Variants in USP13 observed in about 807,000 individuals in gnomAD.
The protein encoded by USP13 is ubiquitin carboxyl-terminal hydrolase 13.
USP13 carries 68 observed loss-of-function variants against 107.8 expected under a neutral mutation model. The ratio of observed to expected loss-of-function variants is 0.63; its 90% confidence interval spans 0.52 to 0.77. USP13 has a LOEUF of 0.77. Ranked by LOEUF, USP13 falls within the 30% of genes least tolerant of loss-of-function variation. The probability of loss-of-function intolerance (pLI) is 0.00; values close to 1 mark genes in which losing one functional copy is unlikely to be tolerated. For missense variants in USP13, 945 were observed against 1,093.3 expected (o/e 0.86, Z 1.91); for synonymous variants, 377 against 389.5 (o/e 0.97, Z 0.38).
In USP13 at chr3:179,653,693, G is replaced by A. The variant is rs1349968114; in HGVS notation, c.168+300G>A. On this transcript the variant is annotated intron_variant, in intron 1 of 20. Transcript: ENST00000263966. The surrounding 1 kb of genome is among the most constrained non-coding windows in gnomAD (Gnocchi z 4.0). ...GATAGATGAAATACAAGAGTTCCCT[G>A]TTCCGAACTGCACGTTGCAGATCGT... 9 of 360,084 alleles carry A rather than the reference G, an allele frequency of 2.5e-5. No individual in the cohort carries two copies. Among genetic ancestry groups the A allele is most frequent in the Admixed American group, 1.3e-4 (3 of 22,714 alleles). 22.3% of individuals were successfully genotyped at this position (360,084 alleles called of 1,614,324 possible).
intron 14 of USP13, among the ~76,000 whole-genome samples, chr3:179,754,441 A>G (rs1277542686): frequency 2.0e-5 from 3 of 152,220 alleles, no homozygotes; most frequent in Non-Finnish European, 4.4e-5. Flanking sequence ...TAAAATATCA[A>G]ACAGATTGTG....
At chr3:179,769,659 TC>T (rs750132089) in intron 19 of USP13, among the ~76,000 whole-genome samples, 77 of 152,318 alleles carry the variant, frequency 5.1e-4, no homozygotes, top group Middle Eastern at 6.8e-3. Context: ...TCTGCCCACC[TC>T]TGCCTCTCGA....
chr3:179,774,689 C>A (rs1576993554), intron 19 of USP13, among the ~76,000 whole-genome samples: 1 of 152,266 alleles, frequency 6.6e-6, no homozygotes, highest in Admixed American at 6.5e-5. Flanking sequence ...AAAGAACAAA[C>A]CTTCCACAGT....
chr3:179,728,579 T>G (rs1713661643), intron 8 of USP13, among the ~76,000 whole-genome samples: 1 of 147,948 alleles, frequency 6.8e-6, no homozygotes, highest in Non-Finnish European at 1.5e-5. Flanking sequence ...CCAGACGGGG[T>G]GGCGGCCGGG....
intron 2 of USP13, among the ~76,000 whole-genome samples, chr3:179,689,713 C>T (rs1712041030): frequency 6.6e-6 from 1 of 152,020 alleles, no homozygotes; most frequent in Non-Finnish European, 1.5e-5. Flanking sequence ...GCAAACATAG[C>T]CACTTGTCGG....
In USP13 at chr3:179,687,125, T is replaced by C. The variant is rs1015119419; in HGVS notation, c.295-3116T>C. On this transcript the variant is annotated intron_variant, in intron 2 of 20. Coordinates refer to ENST00000263966, the MANE Select transcript of USP13 (RefSeq NM_003940.3). ...AAGATCTGATCATCTTATTCTGATC[T>C]GGATTTTTCTACTCCAGCATTTCAT... Among the ~76,000 whole-genome samples, 6 of 152,326 alleles carry C rather than the reference T, an allele frequency of 3.9e-5. No homozygotes were observed. The East Asian group carries it at 5.8e-4, about 15-fold the overall frequency.
chr3:179,674,100 C>T (rs559133502), intron 1 of USP13, among the ~76,000 whole-genome samples: 6 of 152,216 alleles, frequency 3.9e-5, no homozygotes, highest in African/African-American at 1.2e-4. Flanking sequence ...TCCATGTTGG[C>T]CAGGCTGGTC....
At chr3:179,728,746 G>A (rs528837780) in intron 8 of USP13, among the ~76,000 whole-genome samples, 3 of 152,312 alleles carry the variant, frequency 2.0e-5, no homozygotes, top group Admixed American at 6.5e-5. Context: ...TCGGGAGGCC[G>A]AGGCTGGCGG....
chr3:179,664,959 G>A (rs1337692681), intron 1 of USP13, among the ~76,000 whole-genome samples: 1 of 152,052 alleles, frequency 6.6e-6, no homozygotes, highest in African/African-American at 2.4e-5. Context: ...ATGGTGGCAG[G>A]TGCCTGTAAT....
chr3:179,671,827 G>A (rs75533649), intron 1 of USP13, among the ~76,000 whole-genome samples: 12,681 of 152,096 alleles, frequency 0.083, 789 homozygotes, highest in African/African-American at 0.17. Flanking sequence ...GGGTGTGTGA[G>A]TCACCGTCTT....
intron 10 of USP13, among the ~76,000 whole-genome samples, chr3:179,735,963 C>T (rs922759126): frequency 2.0e-5 from 3 of 152,070 alleles, no homozygotes; most frequent in Non-Finnish European, 4.4e-5. Flanking sequence ...TCACTTGTGC[C>T]CAAGGGTTTG....
intron 6 of USP13, among the ~76,000 whole-genome samples, chr3:179,714,199 G>C (rs969255113): frequency 2.0e-5 from 3 of 152,224 alleles, no homozygotes; most frequent in Non-Finnish European, 4.4e-5. Flanking sequence ...TGTCTTGGGT[G>C]ATTGTAGGAG....
At position 179,742,405 on chromosome 3, in the gene USP13, T is replaced by A; in HGVS notation, c.1534+55T>A. On this transcript the variant is annotated intron_variant, in intron 12 of 20. Transcript: ENST00000263966. The surrounding 1 kb of genome is among the most constrained non-coding windows in gnomAD (Gnocchi z 5.0). ...TGTGTGTCTTCATATGGGAAAACCC[T>A]CAAATCAGAGAGAATGGTTTAGTCA... The A allele has an allele frequency of 2.5e-6, 4 of 1,604,664 alleles. No homozygotes were observed. The highest frequency in any genetic ancestry group is 3.4e-6 in the Non-Finnish European group (4 of 1,173,794).
At chr3:179,700,572 T>C (rs1712480934) in intron 3 of USP13, among the ~76,000 whole-genome samples, 1 of 152,008 alleles carries the variant, frequency 6.6e-6, no homozygotes, top group Non-Finnish European at 1.5e-5. Flanking sequence ...TTCCATATTA[T>C]GATGTTGCAA....
intron 1 of USP13, among the ~76,000 whole-genome samples, chr3:179,657,358 C>T (rs1243572631): frequency 6.6e-6 from 1 of 151,720 alleles, no homozygotes; most frequent in Non-Finnish European, 1.5e-5. Flanking sequence ...TGCACCACTG[C>T]ACTCCAGCCT....
chr3:179,697,932 G>T (rs1712380860), intron 3 of USP13, among the ~76,000 whole-genome samples: 1 of 152,202 alleles, frequency 6.6e-6, no homozygotes, highest in South Asian at 2.1e-4. Flanking sequence ...CTGCTTTTCT[G>T]CATGACAGCA....
In USP13 at chr3:179,708,753, A is replaced by G; in HGVS notation, c.621-20A>G. 2 of 1,612,912 alleles carry G rather than the reference A, an allele frequency of 1.2e-6. No homozygotes were observed. Among genetic ancestry groups the G allele is most frequent in the Middle Eastern group, 3.3e-4 (2 of 6,042 alleles). On this transcript the variant is annotated intron_variant, in intron 5 of 20. Transcript: ENST00000263966. ...AAATTATGCCCTGGCTGTTCTGACT[A>G]CTCTCCAATGGCTTTCCAGTGGTTG... is the stretch of plus-strand genomic sequence containing the variant.
Position 179,742,738 on chromosome 3 carries a change from A to G in USP13, c.1534+388A>G, listed in dbSNP as rs1409157292. Among the ~76,000 whole-genome samples the G allele has an allele frequency of 6.6e-6, 1 of 152,244 alleles. No homozygotes were observed. Among genetic ancestry groups the G allele is most frequent in the Non-Finnish European group, 1.5e-5 (1 of 68,038 alleles). ...GATCAGGACTGCATTTTTTAAAGTT[A>G]GACATTCGAGCAGAGGTCTCTTGAA... On this transcript the variant is annotated intron_variant, in intron 12 of 20. Coordinates refer to ENST00000263966, the MANE Select transcript of USP13 (RefSeq NM_003940.3). The surrounding 1 kb of genome is among the most constrained non-coding windows in gnomAD (Gnocchi z 5.0).
intron 1 of USP13, among the ~76,000 whole-genome samples, chr3:179,672,884 T>C (rs1385229065): frequency 6.6e-6 from 1 of 152,256 alleles, no homozygotes; most frequent in African/African-American, 2.4e-5. Context: ...ATTAGAATCC[T>C]ATTTAGCTTA....
Sources: gnomAD v4.1 joint callset for allele counts (sites outside exome capture counted in the v4.1 genomes callset) on GRCh38, gnomAD v4.1.1 for gene constraint, Gnocchi (gnomAD v3.1) non-coding constraint, MANE v1.5 for transcripts, NCBI Gene and HGNC (gene_info 2026-07-23, HGNC 2026-07-21) for gene names.